The following CNTLN variants were observed in gnomAD, a reference collection of about 807,000 sequenced individuals.
CNTLN encodes the protein centlein.
In CNTLN, 212 loss-of-function variants were observed where a neutral mutation model predicts 180.0. The observed-to-expected ratio is 1.18, with a 90% CI of 1.05 to 1.32. The LOEUF is 1.32. Ranked by LOEUF, CNTLN falls within the 40% of genes most tolerant of loss-of-function variation. CNTLN has a pLI of 0.00. For synonymous variants in CNTLN, 722 were observed against 563.1 expected (o/e 1.28, Z -3.99); for missense variants, 2,095 against 1,610.9 (o/e 1.30, Z -5.14).
intron 2 of CNTLN, among the ~76,000 whole-genome samples, chr9:17,203,420 G>A (rs946816124): frequency 6.6e-6 from 1 of 152,174 alleles, no homozygotes; most frequent in Non-Finnish European, 1.5e-5. Flanking sequence ...ATAATATCCT[G>A]AAGTGTGTTT....
intron 2 of CNTLN, among the ~76,000 whole-genome samples, chr9:17,186,467 A>G (rs527703224): frequency 6.6e-6 from 1 of 152,320 alleles, no homozygotes; most frequent in Non-Finnish European, 1.5e-5. Flanking sequence ...AAGGTTATCA[A>G]TCTGTTGTTC....
chr9:17,139,253 G>A (rs919237392), intron 1 of CNTLN, among the ~76,000 whole-genome samples: 1 of 151,616 alleles, frequency 6.6e-6, no homozygotes, highest in African/African-American at 2.4e-5. Context: ...ACGCCTGGCT[G>A]ATTTTTGTAT....
At chr9:17,355,631 C>T (rs915917596) in intron 12 of CNTLN, among the ~76,000 whole-genome samples, 2 of 151,978 alleles carry the variant, frequency 1.3e-5, no homozygotes, top group Non-Finnish European at 2.9e-5. Flanking sequence ...AGTAGGGGGT[C>T]CAGTTTCATT....
chr9:17,270,448 T>A (rs1011600094), intron 5 of CNTLN, among the ~76,000 whole-genome samples: 2 of 152,188 alleles, frequency 1.3e-5, no homozygotes, highest in African/African-American at 4.8e-5. Flanking sequence ...ATCCTTATAT[T>A]TCTGGAACCA....
chr9:17,352,894 T>C (rs1483858086), intron 12 of CNTLN, among the ~76,000 whole-genome samples: 3 of 152,246 alleles, frequency 2.0e-5, no homozygotes, highest in Non-Finnish European at 2.9e-5. Flanking sequence ...AAAAGTTCAT[T>C]ACTTTTTTAT....
intron 12 of CNTLN, among the ~76,000 whole-genome samples, chr9:17,357,351 C>G (rs1016716942): frequency 6.6e-6 from 1 of 151,640 alleles, no homozygotes; most frequent in African/African-American, 2.4e-5. Flanking sequence ...TCTTTGTATC[C>G]TCCACAGGCA....
chr9:17,257,055 C>T (rs1228539372), intron 5 of CNTLN, among the ~76,000 whole-genome samples: 2 of 151,834 alleles, frequency 1.3e-5, no homozygotes, highest in Non-Finnish European at 1.5e-5. Flanking sequence ...ATACATGTGC[C>T]ATGCTGGTGC....
At chr9:17,257,742 T>A (rs1826618046) in intron 5 of CNTLN, among the ~76,000 whole-genome samples, 1 of 151,434 alleles carries the variant, frequency 6.6e-6, no homozygotes, top group African/African-American at 2.5e-5. Context: ...GATGAGCATT[T>A]TTTCATGTGT....
chr9:17,487,225 T>C (rs1832937648), intron 25 of CNTLN, 159 bp downstream of exon 25: 6 of 634,540 alleles, frequency 9.5e-6, no homozygotes, highest in Non-Finnish European at 1.7e-5. Context: ...TAACCCTCTA[T>C]TTGTACTTTG....
At chr9:17,336,258 TAAAG>T (rs1821027769) in intron 10 of CNTLN, among the ~76,000 whole-genome samples, 1 of 152,192 alleles carries the variant, frequency 6.6e-6, no homozygotes, top group Non-Finnish European at 1.5e-5. Flanking sequence ...TAGAAGGTTA[TAAAG>T]AAAGTATTTG....
intron 5 of CNTLN, among the ~76,000 whole-genome samples, chr9:17,261,307 A>G (rs1377553525): frequency 1.3e-5 from 2 of 151,478 alleles, no homozygotes; most frequent in Admixed American, 6.6e-5. Context: ...ATCCATGAGC[A>G]TGGCATATTT....
At chr9:17,495,699 G>A (rs1833414554) in intron 25 of CNTLN, among the ~76,000 whole-genome samples, 2 of 152,140 alleles carry the variant, frequency 1.3e-5, no homozygotes, top group African/African-American at 2.4e-5. Context: ...CTACAGTAGT[G>A]TACAGTAATG....
At chr9:17,346,154 C>A (rs1462710607) in intron 12 of CNTLN, among the ~76,000 whole-genome samples, 7 of 152,068 alleles carry the variant, frequency 4.6e-5, no homozygotes, top group Admixed American at 4.6e-4. Flanking sequence ...GAAGCAAGGA[C>A]CTTTTTCGCA....
intron 19 of CNTLN, among the ~76,000 whole-genome samples, chr9:17,458,176 C>A (rs1200993910): frequency 6.7e-6 from 1 of 148,936 alleles, no homozygotes; most frequent in African/African-American, 2.5e-5. Flanking sequence ...CAACAACCAA[C>A]TTAAAATAGT....
At chr9:17,324,583 C>G (rs1347022730) in intron 8 of CNTLN, among the ~76,000 whole-genome samples, 1 of 151,810 alleles carries the variant, frequency 6.6e-6, no homozygotes, top group African/African-American at 2.4e-5. Flanking sequence ...AGAATAAATA[C>G]TTAGCTTGTG....
At position 17,409,293 on chromosome 9, in the gene CNTLN, C is replaced by T. The variant is rs371780734; in HGVS notation, c.2616C>T (p.Ser872=). 8.1e-6 allele frequency: 13 copies of T among 1,604,232 alleles called. No individual in the cohort carries two copies. Among genetic ancestry groups the T allele is most frequent in the Non-Finnish European group, 1.0e-5 (12 of 1,177,600 alleles). ...KDGWEDVSES[S]SDSEAQTSQT... is the part of the protein sequence containing the mutation. ...TATGTCCCTACTTTTTTCTAAAAAG[C>T]AGTGATTCTGAAGCACAGACCTCTC... Residue 872 remains serine (S), a splice_region_variant and synonymous_variant, in exon 16 of 26, where the codon AGC becomes AGT. Transcript: ENST00000380647.
chr9:17,268,662 G>T (rs1254621703), intron 5 of CNTLN, among the ~76,000 whole-genome samples: 4 of 152,146 alleles, frequency 2.6e-5, no homozygotes, highest in Non-Finnish European at 5.9e-5. Flanking sequence ...AGGCAGGCAG[G>T]CCTCCTTGAG....
At chr9:17,463,612 C>T (rs1831578480) in intron 20 of CNTLN, among the ~76,000 whole-genome samples, 1 of 151,558 alleles carries the variant, frequency 6.6e-6, no homozygotes, top group East Asian at 1.9e-4. Context: ...CACCTGTAGA[C>T]CTCATTATAA....
Position 17,403,465 on chromosome 9 carries a change from T to G in CNTLN, c.2616-5828T>G, listed in dbSNP as rs531845136. ...CAATTGCAAATCCCAAAAAAAAGCT[T>G]CATTCTCCAGAGGAAACCAACCAGT... On this transcript the variant is annotated intron_variant, in intron 15 of 25. Coordinates refer to ENST00000380647, the MANE Select transcript of CNTLN (RefSeq NM_017738.4). Among the ~76,000 whole-genome samples the G allele has an allele frequency of 4.0e-5, 6 of 151,676 alleles. No homozygotes were observed. In the South Asian group the frequency reaches 1.2e-3, roughly 32 times the overall value.
Sources: gnomAD v4.1 joint callset for allele counts (sites outside exome capture counted in the v4.1 genomes callset) on GRCh38, gnomAD v4.1.1 for gene constraint, MANE v1.5 for transcripts, NCBI Gene and HGNC (gene_info 2026-07-23, HGNC 2026-07-21) for gene names.